Variants in CAPZB observed in about 807,000 individuals in gnomAD.
CAPZB encodes F-actin-capping protein subunit beta.
CAPZB carries 2 observed loss-of-function variants against 38.1 expected under a neutral mutation model. The observed-to-expected ratio is 0.05, with a 90% confidence interval of 0.02 to 0.17. CAPZB has a LOEUF of 0.17. Among genes scored for constraint, CAPZB ranks in the 10% least tolerant of loss-of-function variants. The pLI is 1.00. For missense variants in CAPZB, 161 were observed against 334.2 expected, an observed-to-expected ratio of 0.48 and a Z score of 4.04; for synonymous variants, 107 against 127.4, an observed-to-expected ratio of 0.84 and a Z score of 1.08.
chr1:19,388,980 C>T lies in CAPZB; in HGVS notation c.94-3354G>A, dbSNP rs188745886. On this transcript the variant is annotated intron_variant, in intron 2 of 8. Coordinates refer to ENST00000264202, the MANE Select transcript of CAPZB (RefSeq NM_004930.5). The stretch of plus-strand genomic sequence containing the variant: ...GGCCAACGGACTCCACCCAAGCAGG[C>T]ACCATTTTTGCCTTTTGGATCAACT... Among the ~76,000 whole-genome samples, 350 of 152,364 alleles carry T rather than the reference C, an allele frequency of 2.3e-3. 2 individuals carry two copies. Among genetic ancestry groups the T allele is most frequent in the African/African-American group, 8.3e-3 (346 of 41,584 alleles).
In CAPZB at chr1:19,365,646, C is replaced by T. The variant is rs187501788; in HGVS notation, c.330-8083G>A. ...AGGAGTTCGAGACCAGCCTGACCCA[C>T]ATGGAGAAGCCCCGTCTCTATTAAA... On this transcript the variant is annotated intron_variant, in intron 4 of 8. Coordinates refer to ENST00000264202, the MANE Select transcript of CAPZB (RefSeq NM_004930.5). Among the ~76,000 whole-genome samples the T allele has an allele frequency of 2.1e-3, 315 of 152,162 alleles. 2 individuals carry two copies. Among genetic ancestry groups the T allele is most frequent in the Non-Finnish European group, 3.0e-3 (203 of 68,024 alleles).
chr1:19,370,387 G>A (rs558107672), intron 4 of CAPZB, among the ~76,000 whole-genome samples: 2 of 152,336 alleles, frequency 1.3e-5, no homozygotes, highest in East Asian at 1.9e-4. Context: ...GGAGGCTGAG[G>A]GAGAAGGCGC....
intron 8 of CAPZB, 52 bp downstream of exon 8, chr1:19,344,305 AG>A: frequency 6.9e-7 from 1 of 1,444,966 alleles, no homozygotes; most frequent in Non-Finnish European, 9.7e-7. Flanking sequence ...TGGCAGAGCC[AG>A]GGTTCAAATC....
chr1:19,469,898 G>A (rs2094581338), intron 1 of CAPZB, among the ~76,000 whole-genome samples: 1 of 152,092 alleles, frequency 6.6e-6, no homozygotes, highest in African/African-American at 2.4e-5. Context: ...ACAAGCCCAG[G>A]ACAGACGGAC....
intron 2 of CAPZB, among the ~76,000 whole-genome samples, chr1:19,394,824 TTC>T (rs1402796280): frequency 6.6e-6 from 1 of 152,150 alleles, no homozygotes; most frequent in Admixed American, 6.5e-5. Flanking sequence ...ACACAGATGT[TTC>T]TGACTTAAGA....
chr1:19,340,599 A>C (rs559594821), intron 8 of CAPZB, among the ~76,000 whole-genome samples: 1 of 152,326 alleles, frequency 6.6e-6, no homozygotes, highest in South Asian at 2.1e-4. Flanking sequence ...TGGGAGGCCA[A>C]GGCAGGAGGA....
intron 1 of CAPZB, among the ~76,000 whole-genome samples, chr1:19,466,672 C>A (rs1211860488): frequency 6.6e-6 from 1 of 152,194 alleles, no homozygotes; most frequent in Non-Finnish European, 1.5e-5. Context: ...CCAAGTCACG[C>A]TCCAGACTCC....
intron 1 of CAPZB, among the ~76,000 whole-genome samples, chr1:19,442,917 G>A (rs1204053763): frequency 6.6e-6 from 1 of 152,004 alleles, no homozygotes; most frequent in Admixed American, 6.6e-5. Flanking sequence ...CAACCTCTAC[G>A]CCAGTGGTGC....
chr1:19,451,670 G>C (rs964022791), intron 1 of CAPZB, among the ~76,000 whole-genome samples: 1 of 151,994 alleles, frequency 6.6e-6, no homozygotes. Flanking sequence ...TGGCTACTCA[G>C]AGACAAGGCT....
intron 1 of CAPZB, among the ~76,000 whole-genome samples, chr1:19,444,349 C>T (rs2094489422): frequency 6.6e-6 from 1 of 152,158 alleles, no homozygotes; most frequent in South Asian, 2.1e-4. Flanking sequence ...CCAGCTGCCA[C>T]CTCCCCACCC....
At position 19,349,857 on chromosome 1, in the gene CAPZB, C is replaced by T. The variant is rs183318207; in HGVS notation, c.589-4605G>A. Among the ~76,000 whole-genome samples, 5 of 152,282 alleles carry T rather than the reference C, an allele frequency of 3.3e-5. No individual in the cohort carries two copies. In the East Asian group the frequency reaches 5.8e-4, roughly 18 times the overall value. ...GCCGTATTTCCACAGCCCCCTTGCCCGCCCCTGCTCACTCCCCTCCACACC... is the reference window on the plus strand; with the variant it reads ...GCCGTATTTCCACAGCCCCCTTGCCTGCCCCTGCTCACTCCCCTCCACACC... On this transcript the variant is annotated intron_variant, in intron 6 of 8. Coordinates refer to ENST00000264202, the MANE Select transcript of CAPZB (RefSeq NM_004930.5).
chr1:19,366,087 G>A (rs7340093), intron 4 of CAPZB, among the ~76,000 whole-genome samples: 18,179 of 151,464 alleles, frequency 0.12, 2,398 homozygotes, highest in African/African-American at 0.33. Flanking sequence ...ATGTTCTCCC[G>A]TCACATGTAT....
chr1:19,479,064 G>C (rs560532656), intron 1 of CAPZB, among the ~76,000 whole-genome samples: 13 of 152,182 alleles, frequency 8.5e-5, no homozygotes, highest in African/African-American at 3.1e-4. Flanking sequence ...CAAAAAATTA[G>C]CTAGGCATGG....
chr1:19,380,488 C>T (rs544445442), intron 3 of CAPZB, among the ~76,000 whole-genome samples: 4 of 152,212 alleles, frequency 2.6e-5, no homozygotes, highest in Admixed American at 1.3e-4. Flanking sequence ...GGAAGACAGG[C>T]GTGCCGCCCA....
chr1:19,460,511 G>A lies in CAPZB; in HGVS notation c.3+24925C>T, dbSNP rs536277738. 8.6e-5 allele frequency among the ~76,000 whole-genome samples: 13 copies of A among 150,418 alleles called. No individual in the cohort carries two copies. In the East Asian group the frequency reaches 2.4e-3, roughly 27 times the overall value. The stretch of plus-strand genomic sequence containing the variant: ...AGGATGGTCTCGATCTCTTGACCTC[G>A]TGATCCACCTGCCTCGGCCTCCCAA... On this transcript the variant is annotated intron_variant, in intron 1 of 8. Coordinates refer to ENST00000264202, the MANE Select transcript of CAPZB (RefSeq NM_004930.5).
intron 6 of CAPZB, among the ~76,000 whole-genome samples, chr1:19,353,994 T>C (rs1260328181): frequency 6.6e-6 from 1 of 152,180 alleles, no homozygotes; most frequent in African/African-American, 2.4e-5. Flanking sequence ...TCCATGCACT[T>C]CCATCTGACT....
At chr1:19,441,450 A>G (rs1182665787) in intron 1 of CAPZB, among the ~76,000 whole-genome samples, 7 of 152,196 alleles carry the variant, frequency 4.6e-5, no homozygotes, top group Admixed American at 2.0e-4. Context: ...AGGAAGAAAG[A>G]GAAAACCTTG....
intron 2 of CAPZB, among the ~76,000 whole-genome samples, chr1:19,393,202 C>T (rs1478901268): frequency 1.3e-5 from 2 of 152,346 alleles, no homozygotes; most frequent in East Asian, 3.9e-4. Context: ...CTGAGCATGG[C>T]CACCTCTGCA....
intron 4 of CAPZB, among the ~76,000 whole-genome samples, chr1:19,367,635 C>T (rs776903570): frequency 3.3e-4 from 50 of 152,136 alleles, no homozygotes; most frequent in African/African-American, 1.2e-3. Context: ...CCCATGGACA[C>T]GGGACAGGTA....
Sources: gnomAD v4.1 joint callset for allele counts (sites outside exome capture counted in the v4.1 genomes callset) on GRCh38, gnomAD v4.1.1 for gene constraint, MANE v1.5 for transcripts, NCBI Gene and HGNC (gene_info 2026-07-23, HGNC 2026-07-21) for gene names.